DPYD: variants seen among roughly 807,000 people sequenced by gnomAD.
The protein encoded by DPYD is dihydropyrimidine dehydrogenase.
A neutral mutation model predicts 116.2 loss-of-function variants in DPYD; 109 were observed. That is an observed-to-expected ratio of 0.94 (90% CI 0.80 to 1.10). DPYD has a LOEUF of 1.10. Ranked by LOEUF, DPYD falls within the 50% of genes least tolerant of loss-of-function variation. The pLI is 0.00. For synonymous variants in DPYD, 440 were observed against 432.0 expected, an observed-to-expected ratio of 1.02 and a Z score of -0.23; for missense variants, 1,302 against 1,254.5, an observed-to-expected ratio of 1.04 and a Z score of -0.57.
rs116048758 is a variant in DPYD at position 97,426,054 on chromosome 1, A to G, written c.1905+24005T>C. The stretch of plus-strand genomic sequence containing the variant: ...ATTTCATTATTTTTCATTTTTTCAA[A>G]ATTAAAAGAAAGGCATTAGTTGACA... On this transcript the variant is annotated intron_variant, in intron 14 of 22. Coordinates refer to ENST00000370192, the MANE Select transcript of DPYD (RefSeq NM_000110.4). 1.4e-3 allele frequency among the ~76,000 whole-genome samples: 210 copies of G among 152,144 alleles called. 2 individuals are homozygous for G. Among genetic ancestry groups the G allele is most frequent in the African/African-American group, 4.8e-3 (199 of 41,532 alleles).
At chr1:97,592,331 C>A (rs1654578967) in intron 10 of DPYD, among the ~76,000 whole-genome samples, 1 of 152,072 alleles carries the variant, frequency 6.6e-6, no homozygotes, top group African/African-American at 2.4e-5. Context: ...GACTACTCAC[C>A]AGTCACTGGT....
chr1:97,284,209 G>C (rs986826373), intron 18 of DPYD, among the ~76,000 whole-genome samples: 1 of 151,922 alleles, frequency 6.6e-6, no homozygotes, highest in Non-Finnish European at 1.5e-5. Context: ...AAATAACAAT[G>C]TTCATGGTAT....
intron 21 of DPYD, among the ~76,000 whole-genome samples, chr1:97,084,807 T>C (rs1263113290): frequency 6.6e-6 from 1 of 152,218 alleles, no homozygotes; most frequent in Non-Finnish European, 1.5e-5. Context: ...TTTCTACATT[T>C]AGCTTCCCAT....
At chr1:97,332,520 G>T (rs886912347) in intron 16 of DPYD, among the ~76,000 whole-genome samples, 1 of 152,162 alleles carries the variant, frequency 6.6e-6, no homozygotes, top group Non-Finnish European at 1.5e-5. Flanking sequence ...TGAGTTTTGT[G>T]TCCTAGAAGC....
rs548261361 is a variant in DPYD, at chr1:97,360,783, T to C, written c.2058+12778A>G. 8.8e-4 allele frequency among the ~76,000 whole-genome samples: 134 copies of C among 152,202 alleles called. 1 individual carries two copies. The highest frequency in any genetic ancestry group is 1.6e-3 in the Non-Finnish European group (108 of 68,016). On this transcript the variant is annotated intron_variant, in intron 16 of 22. Transcript: ENST00000370192. ...AGAACAAAGACACAACATACCAGAA[T>C]CTCTGGGACACATTTAAAGCAGTGT...
At chr1:97,462,120 G>C (rs1398670027) in intron 13 of DPYD, among the ~76,000 whole-genome samples, 1 of 152,032 alleles carries the variant, frequency 6.6e-6, no homozygotes, top group African/African-American at 2.4e-5. Context: ...AATTAACCAA[G>C]TAAACAAAGA....
intron 10 of DPYD, among the ~76,000 whole-genome samples, chr1:97,584,663 G>C (rs929378930): frequency 2.0e-5 from 3 of 151,702 alleles, no homozygotes; most frequent in Non-Finnish European, 4.4e-5. Flanking sequence ...CATGGATGAA[G>C]CTGGAAACCA....
rs77127259 is a variant in DPYD at position 97,780,807 on chromosome 1, T to C, written c.234-40328A>G. 1.3e-3 allele frequency among the ~76,000 whole-genome samples: 203 copies of C among 152,278 alleles called. 1 individual carries two copies. The highest frequency in any genetic ancestry group is 1.9e-3 in the East Asian group (10 of 5,188). ...TCTCTGGGTGTTCACCACTAAAAAT[T>C]TGGTCGCTCAATTTGCAGAGTAATT... On this transcript the variant is annotated intron_variant, in intron 3 of 22. Transcript: ENST00000370192.
At chr1:97,436,057 C>A (rs534395147) in intron 14 of DPYD, among the ~76,000 whole-genome samples, 3 of 151,886 alleles carry the variant, frequency 2.0e-5, no homozygotes, top group African/African-American at 7.2e-5. Flanking sequence ...ATTAAATGGG[C>A]CCTTTGCACA....
intron 3 of DPYD, among the ~76,000 whole-genome samples, chr1:97,741,165 G>A (rs940081191): frequency 2.6e-5 from 4 of 152,114 alleles, no homozygotes; most frequent in African/African-American, 9.7e-5. Flanking sequence ...ACAATTCAAG[G>A]TCAGTGAGCG....
At chr1:97,139,306 T>C (rs1468028189) in intron 20 of DPYD, among the ~76,000 whole-genome samples, 1 of 152,100 alleles carries the variant, frequency 6.6e-6, no homozygotes, top group Non-Finnish European at 1.5e-5. Context: ...GCCAGTGGGA[T>C]TTTTAGAAAA....
chr1:97,898,045 A>G (rs1673172178), intron 1 of DPYD, among the ~76,000 whole-genome samples: 1 of 151,784 alleles, frequency 6.6e-6, no homozygotes, highest in Non-Finnish European at 1.5e-5. Context: ...CTTTGTGAGG[A>G]GGGAATCAAG....
At chr1:97,535,737 G>A (rs1649945445) in intron 12 of DPYD, among the ~76,000 whole-genome samples, 1 of 152,080 alleles carries the variant, frequency 6.6e-6, no homozygotes, top group Non-Finnish European at 1.5e-5. Flanking sequence ...CAACTAGACA[G>A]TTTTGTTTTG....
At chr1:97,198,512 T>C (rs1447513741) in intron 19 of DPYD, among the ~76,000 whole-genome samples, 1 of 152,176 alleles carries the variant, frequency 6.6e-6, no homozygotes, top group Non-Finnish European at 1.5e-5. Flanking sequence ...GGAAATGGAA[T>C]TGCTTAGAAA....
intron 15 of DPYD, among the ~76,000 whole-genome samples, chr1:97,379,903 C>T (rs770522235): frequency 6.6e-6 from 1 of 152,162 alleles, no homozygotes; most frequent in Non-Finnish European, 1.5e-5. Context: ...TATTCCCTGT[C>T]CCATATGACT....
chr1:97,311,476 C>T (rs1667514043), intron 16 of DPYD, among the ~76,000 whole-genome samples: 1 of 151,644 alleles, frequency 6.6e-6, no homozygotes. Flanking sequence ...ATTTAAACCA[C>T]AATGTGATGC....
At chr1:97,284,230 CT>C (rs1665515499) in intron 18 of DPYD, among the ~76,000 whole-genome samples, 1 of 151,954 alleles carries the variant, frequency 6.6e-6, no homozygotes, top group Non-Finnish European at 1.5e-5. Context: ...ATATCTTTGT[CT>C]TGACTTTTAT....
At chr1:97,251,391 T>TAAAAAAAAAAAAA (rs10581072) in intron 18 of DPYD, among the ~76,000 whole-genome samples, 3 of 95,356 alleles carry the variant, frequency 3.1e-5, no homozygotes, top group African/African-American at 4.1e-5. Context: ...AAACTCTGTC[T>TAAAAAAAAAAAAA]AAAAAAAAAA....
At chr1:97,247,452 T>G (rs1402546886) in intron 18 of DPYD, among the ~76,000 whole-genome samples, 2 of 152,162 alleles carry the variant, frequency 1.3e-5, no homozygotes, top group African/African-American at 4.8e-5. Context: ...GCTGTGCATA[T>G]CTGTGTGGCC....
Sources: allele counts gnomAD v4.1 joint callset (sites outside exome capture counted in the v4.1 genomes callset), GRCh38; gene constraint gnomAD v4.1.1; transcripts MANE v1.5; gene names NCBI Gene and HGNC (gene_info 2026-07-23, HGNC 2026-07-21).